Variants in PPM1L observed in about 807,000 individuals in gnomAD.
PPM1L encodes protein phosphatase 1L.
Under a neutral mutation model 31.4 loss-of-function variants are expected in PPM1L, and 13 were observed. That is an observed-to-expected ratio of 0.41 (90% confidence interval 0.27 to 0.66). The LOEUF is 0.66. Among genes scored for constraint, PPM1L ranks in the 30% least tolerant of loss-of-function variants. The pLI, the probability that PPM1L is intolerant of heterozygous loss-of-function variation, is 0.29. For synonymous variants in PPM1L, 184 were observed against 175.4 expected (o/e 1.05, Z -0.39); for missense variants, 326 against 453.7 (o/e 0.72, Z 2.56).
At chr3:160,796,832 T>G (rs1301681360) in intron 1 of PPM1L, among the ~76,000 whole-genome samples, 1 of 152,202 alleles carries the variant, frequency 6.6e-6, no homozygotes, top group African/African-American at 2.4e-5. Context: ...TTAGTAGGAA[T>G]TCAAGGAAAT....
At chr3:160,772,986 T>C (rs1246738655) in intron 1 of PPM1L, among the ~76,000 whole-genome samples, 1 of 152,224 alleles carries the variant, frequency 6.6e-6, no homozygotes, top group Non-Finnish European at 1.5e-5. Flanking sequence ...ACATTTGAGT[T>C]GTTTGAGTTT....
intron 1 of PPM1L, among the ~76,000 whole-genome samples, chr3:160,795,295 C>G (rs2108075017): frequency 6.6e-6 from 1 of 152,264 alleles, no homozygotes; most frequent in Non-Finnish European, 1.5e-5. Flanking sequence ...TAGATCTGGT[C>G]TTAACACGGT....
chr3:160,831,391 T>G (rs1713521032), intron 1 of PPM1L, among the ~76,000 whole-genome samples: 2 of 152,330 alleles, frequency 1.3e-5, no homozygotes, highest in Admixed American at 1.3e-4. Context: ...TTTTTGTCAG[T>G]AACCCTTTTT....
intron 1 of PPM1L, 60 bp from the exon 2 acceptor site, chr3:160,961,675 TA>T: frequency 6.9e-7 from 1 of 1,458,056 alleles, no homozygotes. Flanking sequence ...TGAGGGTAAG[TA>T]AAAAGTCTAA....
chr3:160,872,649 G>A (rs74649416), intron 1 of PPM1L, among the ~76,000 whole-genome samples: 4,407 of 152,262 alleles, frequency 0.029, 111 homozygotes, highest in Non-Finnish European at 0.04. Flanking sequence ...TATTAGGGCT[G>A]GGCGCGGTGG....
chr3:160,960,928 C>A (rs895071574), intron 1 of PPM1L, among the ~76,000 whole-genome samples: 2 of 152,162 alleles, frequency 1.3e-5, no homozygotes, highest in Non-Finnish European at 2.9e-5. Flanking sequence ...ATATGCATAT[C>A]TTCCTTCCTA....
In PPM1L at chr3:161,065,716, CAAAT is replaced by C. The variant is rs1182502265; in HGVS notation, c.736+157_736+160del. On this transcript the variant is annotated intron_variant, in intron 3 of 3. Transcript: ENST00000498165. ...AGATTGACTTTGTAACATTACCTAT[CAAAT>C]AAATGGCCACTAAATCTGTCTTCCT... 1.6e-5 allele frequency: 9 copies of C among 574,952 alleles called. No homozygotes were observed. In the East Asian group the frequency reaches 2.2e-4, roughly 14 times the overall value. 35.6% of individuals were successfully genotyped at this position (574,952 alleles called of 1,614,324 possible). A position where few individuals can be genotyped will look rare whatever the true frequency, so the allele number is the denominator to read the frequency against.
In PPM1L at chr3:160,970,787, A is replaced by ATTTTTTT. The variant is rs71628437; in HGVS notation, c.574+8893_574+8899dup. Among the ~76,000 whole-genome samples, 30 of 97,172 alleles carry ATTTTTTT rather than the reference A, an allele frequency of 3.1e-4. 1 individual carries two copies. The highest frequency in any genetic ancestry group is 5.8e-4 in the African/African-American group (13 of 22,368). 63.7% of individuals were successfully genotyped at this position (97,172 alleles called of 152,430 possible). ...CAAGCTGATTTTAATTTCAGTTATA[A>ATTTTTTT]TTTTTTTTTTTTTTTTTTTTTTGAG... On this transcript the variant is annotated intron_variant, in intron 2 of 3. Transcript: ENST00000498165.
chr3:161,051,067 A>C (rs567655138), intron 2 of PPM1L, among the ~76,000 whole-genome samples: 1 of 152,272 alleles, frequency 6.6e-6, no homozygotes, highest in South Asian at 2.1e-4. Context: ...TTGCATCTTT[A>C]AGAGAGAGTT....
intron 1 of PPM1L, among the ~76,000 whole-genome samples, chr3:160,944,536 G>A (rs1348276749): frequency 1.3e-5 from 2 of 149,118 alleles, no homozygotes; most frequent in African/African-American, 4.9e-5. Flanking sequence ...TGGTCAAGCA[G>A]AAAGAAAGAA....
At chr3:160,837,497 G>C (rs954473599) in intron 1 of PPM1L, among the ~76,000 whole-genome samples, 11 of 152,174 alleles carry the variant, frequency 7.2e-5, no homozygotes, top group African/African-American at 2.4e-4. Flanking sequence ...ATTCCATTCT[G>C]GGGCTTAAAT....
chr3:160,826,148 A>G (rs144285794), intron 1 of PPM1L, among the ~76,000 whole-genome samples: 167 of 152,196 alleles, frequency 1.1e-3, no homozygotes, highest in African/African-American at 3.9e-3. Context: ...GGATTCCATT[A>G]TTTTCAGACA....
chr3:161,025,746 C>G (rs1195073959), intron 2 of PPM1L, among the ~76,000 whole-genome samples: 1 of 152,128 alleles, frequency 6.6e-6, no homozygotes, highest in African/African-American at 2.4e-5. Context: ...TTATAAATTA[C>G]CCAGTCACTG....
rs1553748208 is a variant in PPM1L at position 160,944,865 on chromosome 3, A to AACAT, written c.400-16870_400-16869insCATA. The stretch of plus-strand genomic sequence containing the variant: ...GTTATATATAACATATATTATATAT[A>AACAT]ATGTTATATATAACATATATATTAT... On this transcript the variant is annotated intron_variant, in intron 1 of 3. Coordinates refer to ENST00000498165, the MANE Select transcript of PPM1L (RefSeq NM_139245.4). Among the ~76,000 whole-genome samples the AACAT allele has an allele frequency of 2.6e-3, 108 of 40,996 alleles. 9 individuals carry two copies. The highest frequency in any genetic ancestry group is 7.1e-3 in the African/African-American group (100 of 14,058). The allele number at this position is 40,996 out of a possible 152,430, so 26.9% of individuals were successfully genotyped here.
chr3:161,003,763 T>C (rs1717592216), intron 2 of PPM1L, among the ~76,000 whole-genome samples: 1 of 152,134 alleles, frequency 6.6e-6, no homozygotes, highest in South Asian at 2.1e-4. Context: ...GTTTTCTAGA[T>C]ATACAATCAT....
At chr3:160,903,323 T>C (rs1713626339) in intron 1 of PPM1L, among the ~76,000 whole-genome samples, 1 of 152,024 alleles carries the variant, frequency 6.6e-6, no homozygotes, top group Admixed American at 6.6e-5. Flanking sequence ...GCCAGCAGGC[T>C]GGAAATTCAA....
intron 2 of PPM1L, among the ~76,000 whole-genome samples, chr3:160,981,346 A>G (rs1348588920): frequency 1.3e-5 from 2 of 152,170 alleles, no homozygotes; most frequent in Non-Finnish European, 2.9e-5. Flanking sequence ...GCTTCTGAAT[A>G]TACTCATGTG....
intron 1 of PPM1L, among the ~76,000 whole-genome samples, chr3:160,822,092 G>C (rs533536828): frequency 6.6e-6 from 1 of 152,038 alleles, no homozygotes; most frequent in African/African-American, 2.4e-5. Context: ...TACATGTTTA[G>C]TTTTTGTACT....
intron 2 of PPM1L, among the ~76,000 whole-genome samples, chr3:161,010,643 G>A (rs371870976): frequency 0.025 from 3,809 of 152,300 alleles, 85 homozygotes; most frequent in South Asian, 0.044. Context: ...CCCACCAACA[G>A]TGTAAAAGTG....
Sources: allele counts gnomAD v4.1 joint callset (sites outside exome capture counted in the v4.1 genomes callset), GRCh38; gene constraint gnomAD v4.1.1; transcripts MANE v1.5; gene names NCBI Gene and HGNC (gene_info 2026-07-23, HGNC 2026-07-21).